The following PPP4R4 variants were observed in gnomAD, a reference collection of about 807,000 sequenced individuals.
PPP4R4 encodes the protein protein phosphatase 4 regulatory subunit 4, also known as serine/threonine-protein phosphatase 4 regulatory subunit 4.
Under a neutral mutation model 121.8 loss-of-function variants are expected in PPP4R4, and 70 were observed. The ratio of observed to expected loss-of-function variants is 0.57; its 90% CI spans 0.47 to 0.70. PPP4R4 has a LOEUF of 0.70. Ranked by LOEUF, PPP4R4 falls within the 30% of genes least tolerant of loss-of-function variation. The pLI, the probability that PPP4R4 is intolerant of heterozygous loss-of-function variation, is 0.00. For missense variants in PPP4R4, 875 were observed against 1,033.6 expected, an observed-to-expected ratio of 0.85 and a Z score of 2.10; for synonymous variants, 348 against 355.7, an observed-to-expected ratio of 0.98 and a Z score of 0.24.
intron 11 of PPP4R4, 119 bp downstream of exon 11, chr14:94,242,527 C>A: frequency 9.8e-7 from 1 of 1,016,316 alleles, no homozygotes; most frequent in Non-Finnish European, 1.4e-6. Context: ...ATGTTCTAGT[C>A]TTAAATCTTG....
In PPP4R4 at chr14:94,265,425, A is replaced by G; in HGVS notation, c.2236A>G (p.Asn746Asp). The G allele has an allele frequency of 6.2e-7, 1 of 1,613,394 alleles. No individual in the cohort carries two copies. The highest frequency in any genetic ancestry group is 1.1e-5 in the South Asian group (1 of 91,050). Residue 746 changes from asparagine (N) to aspartate (D), a missense_variant, in exon 21 of 25, where the codon AAC (asparagine) becomes GAC (aspartate). Asn to Asp is a conservative substitution (Grantham distance 23). Coordinates refer to ENST00000304338, the MANE Select transcript of PPP4R4 (RefSeq NM_058237.2). ...TKTPTQSLPK[N>D]IPISVPGPSS... Reference sequence around the variant, plus strand: ...GACACCAACGCAAAGTCTGCCCAAGAACATCCCCATTTCTGTTCCTGGACC... The same window carrying G: ...GACACCAACGCAAAGTCTGCCCAAGGACATCCCCATTTCTGTTCCTGGACC...
At position 94,180,112 on chromosome 14, in the gene PPP4R4, A is replaced by C. The variant is rs144451898; in HGVS notation, c.191+3985A>C. Among the ~76,000 whole-genome samples, 257 of 152,258 alleles carry C rather than the reference A, an allele frequency of 1.7e-3. 1 individual carries two copies. The highest frequency in any genetic ancestry group is 5.8e-3 in the African/African-American group (240 of 41,548). On this transcript the variant is annotated intron_variant, in intron 2 of 24. Coordinates refer to ENST00000304338, the MANE Select transcript of PPP4R4 (RefSeq NM_058237.2). ...TCCCAGTGTGGTTGAAGCACCTGGC[A>C]CATAATAGGCATCCCGTTACTGTTA...
chr14:94,243,267 C>T (rs1211879457), intron 11 of PPP4R4, among the ~76,000 whole-genome samples: 2 of 152,054 alleles, frequency 1.3e-5, no homozygotes, highest in African/African-American at 4.8e-5. Context: ...AAATCCTGGA[C>T]ATCTTCTCTT....
At chr14:94,255,470 G>A (rs1893417640) in intron 16 of PPP4R4, among the ~76,000 whole-genome samples, 2 of 151,968 alleles carry the variant, frequency 1.3e-5, no homozygotes, top group South Asian at 2.1e-4. Context: ...GCATGGTGGC[G>A]GGCACCTGTA....
intron 2 of PPP4R4, among the ~76,000 whole-genome samples, chr14:94,190,187 T>C (rs1215367702): frequency 6.6e-6 from 1 of 152,106 alleles, no homozygotes; most frequent in Non-Finnish European, 1.5e-5. Flanking sequence ...GTTTGTTTGT[T>C]TGTTTATTTT....
chr14:94,242,267 T>A, intron 10 of PPP4R4, 22 bp from the exon 11 acceptor site: 1 of 1,608,852 alleles, frequency 6.2e-7, no homozygotes, highest in Non-Finnish European at 8.5e-7. Flanking sequence ...CCCACTCATC[T>A]CCTCCCTTCC....
At chr14:94,189,896 G>A (rs1889499601) in intron 2 of PPP4R4, among the ~76,000 whole-genome samples, 1 of 152,172 alleles carries the variant, frequency 6.6e-6, no homozygotes, top group African/African-American at 2.4e-5. Flanking sequence ...TTGTGTTGGA[G>A]AATCCAGAAC....
intron 2 of PPP4R4, among the ~76,000 whole-genome samples, chr14:94,187,002 T>C (rs971252953): frequency 6.6e-6 from 1 of 152,208 alleles, no homozygotes; most frequent in Non-Finnish European, 1.5e-5. Context: ...TATCATTATG[T>C]AATGTTTATT....
chr14:94,176,673 A>G (rs1888697532), intron 2 of PPP4R4, among the ~76,000 whole-genome samples: 1 of 152,234 alleles, frequency 6.6e-6, no homozygotes, highest in South Asian at 2.1e-4. Flanking sequence ...GCTCTACAGA[A>G]TTGCTTAAGG....
intron 2 of PPP4R4, among the ~76,000 whole-genome samples, chr14:94,196,160 C>T (rs199564019): frequency 1.2e-4 from 17 of 136,876 alleles, no homozygotes; most frequent in Admixed American, 1.4e-4. Context: ...GCTTTTGAAT[C>T]TTTTTTTTTT....
At position 94,243,636 on chromosome 14, in the gene PPP4R4, T is replaced by C. The variant is rs573869486; in HGVS notation, c.1267-999T>C. ...GGAAATGTACATGTGTATACAAATATGTTTCACTGGTGGAAGTGAGTTTGA... is the reference window on the plus strand; with the variant it reads ...GGAAATGTACATGTGTATACAAATACGTTTCACTGGTGGAAGTGAGTTTGA... On this transcript the variant is annotated intron_variant, in intron 11 of 24. Transcript: ENST00000304338. Among the ~76,000 whole-genome samples, 3 of 152,316 alleles carry C rather than the reference T, an allele frequency of 2.0e-5. No homozygotes were observed. In the East Asian group the frequency reaches 5.8e-4, roughly 29 times the overall value.
At chr14:94,236,986 G>A (rs1161956085) in intron 7 of PPP4R4, among the ~76,000 whole-genome samples, 4 of 152,042 alleles carry the variant, frequency 2.6e-5, no homozygotes, top group Non-Finnish European at 5.9e-5. Context: ...TGAGGAATAA[G>A]CAGAAACAAA....
chr14:94,251,774 G>A lies in PPP4R4; in HGVS notation c.1743G>A (p.Trp581Ter). 6.4e-7 allele frequency: 1 copy of A among 1,573,864 alleles called. No homozygotes were observed. Among genetic ancestry groups the A allele is most frequent in the Non-Finnish European group, 8.6e-7 (1 of 1,163,950 alleles). Residue 581 changes from tryptophan (W) to a stop codon, truncating the protein, a stop_gained, in exon 16 of 25, where the codon TGG becomes TGA. Transcript: ENST00000304338. LOFTEE classifies it high-confidence loss of function. ...IEQLGQGKSYWNRLRFLDTCE... is the reference protein window; with the variant it reads ...IEQLGQGKSY ...AATTGGGCCAAGGAAAAAGTTACTG[G>A]AATAGACTTCGATTTTTGGATACCT...
chr14:94,199,684 G>C (rs1369018065), intron 2 of PPP4R4, among the ~76,000 whole-genome samples: 1 of 152,066 alleles, frequency 6.6e-6, no homozygotes, highest in Admixed American at 6.5e-5. Flanking sequence ...CCCTGGAGTC[G>C]GGCTGCTTAG....
intron 14 of PPP4R4, among the ~76,000 whole-genome samples, chr14:94,247,341 G>T (rs546858349): frequency 1.3e-5 from 2 of 152,244 alleles, no homozygotes; most frequent in African/African-American, 2.4e-5. Flanking sequence ...TGCAAGCTGG[G>T]TGGGCCCCAC....
At chr14:94,254,190 C>G (rs1956162) in intron 16 of PPP4R4, among the ~76,000 whole-genome samples, 2 of 152,012 alleles carry the variant, frequency 1.3e-5, no homozygotes, top group African/African-American at 4.8e-5. Context: ...TGAATCATTA[C>G]GATGGCTTGG....
chr14:94,241,820 T>C lies in PPP4R4; in HGVS notation c.1009T>C (p.Leu337=). Residue 337 remains leucine, a synonymous_variant, in exon 10 of 25, where the codon TTG becomes CTG. Transcript: ENST00000304338. ...IFTPDQHLRF[L]EFYKKLCTLG... is the part of the protein sequence containing the mutation. ...CACTCCAGATCAGCACTTGAGATTT[T>C]TGGAATTTTATAAGAAACTTTGTAC... 6.3e-7 allele frequency: 1 copy of C among 1,596,410 alleles called. No individual in the cohort carries two copies.
chr14:94,237,994 G>T (rs550337182), intron 8 of PPP4R4, among the ~76,000 whole-genome samples: 2 of 152,346 alleles, frequency 1.3e-5, no homozygotes, highest in East Asian at 3.9e-4. Context: ...ACCTGTTTCT[G>T]ATGAGGGCCT....
chr14:94,208,372 A>G (rs780796244), intron 2 of PPP4R4, 92 bp from the exon 3 acceptor site: 54 of 822,720 alleles, frequency 6.6e-5, no homozygotes, highest in Non-Finnish European at 8.8e-5. Flanking sequence ...CATTCAAAGC[A>G]GTCATTTTTC....
Sources: gnomAD v4.1 joint callset for allele counts (sites outside exome capture counted in the v4.1 genomes callset) on GRCh38, gnomAD v4.1.1 for gene constraint, MANE v1.5 for transcripts, NCBI Gene and HGNC (gene_info 2026-07-23, HGNC 2026-07-21) for gene names.